Variants in NLGN1 observed in about 807,000 individuals in gnomAD.
NLGN1 encodes neuroligin 1.
Under a neutral mutation model 65.5 loss-of-function variants are expected in NLGN1, and 12 were observed. That is an observed-to-expected ratio of 0.18 (90% CI 0.12 to 0.30). The LOEUF is 0.30. Ranked by LOEUF, NLGN1 falls within the 10% of genes least tolerant of loss-of-function variation. NLGN1 has a pLI of 1.00. For synonymous variants in NLGN1, 350 were observed against 359.5 expected (o/e 0.97, Z 0.30); for missense variants, 750 against 1,007.1 (o/e 0.74, Z 3.46).
At chr3:173,508,321 G>C (rs950975661) in intron 2 of NLGN1, among the ~76,000 whole-genome samples, 3 of 152,120 alleles carry the variant, frequency 2.0e-5, no homozygotes, top group Non-Finnish European at 2.9e-5. Context: ...ATTAGGTTAT[G>C]ATGCATGTAA....
At chr3:174,053,494 C>T (rs1000282716) in intron 4 of NLGN1, among the ~76,000 whole-genome samples, 1 of 151,938 alleles carries the variant, frequency 6.6e-6, no homozygotes, top group Non-Finnish European at 1.5e-5. Flanking sequence ...TTTACCCAAG[C>T]TTCAGTTAGT....
intron 4 of NLGN1, among the ~76,000 whole-genome samples, chr3:174,141,555 C>T (rs1722276548): frequency 6.6e-6 from 1 of 152,144 alleles, no homozygotes; most frequent in Non-Finnish European, 1.5e-5. Flanking sequence ...GGAAAAGATC[C>T]ATATGTACCT....
chr3:174,115,974 T>A (rs909969196), intron 4 of NLGN1, among the ~76,000 whole-genome samples: 2 of 152,306 alleles, frequency 1.3e-5, no homozygotes, highest in African/African-American at 4.8e-5. Flanking sequence ...GTTCCCATAG[T>A]GAATTGTGCA....
intron 4 of NLGN1, among the ~76,000 whole-genome samples, chr3:173,933,111 A>T (rs73037267): frequency 5.9e-5 from 9 of 152,272 alleles, no homozygotes; most frequent in African/African-American, 2.2e-4. Flanking sequence ...GGCCTCAGTG[A>T]AGTGTGAAAA....
chr3:173,733,269 T>A (rs1773157431), intron 3 of NLGN1, among the ~76,000 whole-genome samples: 1 of 152,272 alleles, frequency 6.6e-6, no homozygotes, highest in Admixed American at 6.6e-5. Context: ...AGATATTTTT[T>A]TGAAAATCTT....
At chr3:173,916,605 C>T (rs6445127) in intron 4 of NLGN1, among the ~76,000 whole-genome samples, 53,581 of 151,944 alleles carry the variant, frequency 0.35, 10,489 homozygotes, top group African/African-American at 0.52. Context: ...AATGACTCTT[C>T]TAATGCTATT....
At chr3:173,777,754 G>T (rs1164530729) in intron 3 of NLGN1, among the ~76,000 whole-genome samples, 1 of 151,676 alleles carries the variant, frequency 6.6e-6, no homozygotes, top group East Asian at 1.9e-4. Context: ...TGTGAATAGT[G>T]CTAGAATAAA....
At chr3:174,266,382 A>T (rs1748248082) in intron 4 of NLGN1, among the ~76,000 whole-genome samples, 1 of 152,120 alleles carries the variant, frequency 6.6e-6, no homozygotes, top group African/African-American at 2.4e-5. Flanking sequence ...TGCAAAAGTC[A>T]TGATTTTGTT....
intron 4 of NLGN1, among the ~76,000 whole-genome samples, chr3:174,026,774 G>A (rs531234559): frequency 1.4e-4 from 21 of 152,260 alleles, no homozygotes; most frequent in Admixed American, 3.9e-4. Context: ...GGTCCAACAA[G>A]CAAACAAAAC....
chr3:173,984,216 CCA>C (rs1719404773), intron 4 of NLGN1, among the ~76,000 whole-genome samples: 1 of 152,166 alleles, frequency 6.6e-6, no homozygotes, highest in Non-Finnish European at 1.5e-5. Context: ...GGGATGGGGA[CCA>C]TAGCTTTGGC....
intron 4 of NLGN1, among the ~76,000 whole-genome samples, chr3:174,034,098 G>A (rs1016918615): frequency 6.6e-6 from 1 of 151,988 alleles, no homozygotes; most frequent in African/African-American, 2.4e-5. Flanking sequence ...GAGGAACAAG[G>A]ATAAGAATTA....
intron 4 of NLGN1, among the ~76,000 whole-genome samples, chr3:173,925,825 GCACC>G (rs1742900466): frequency 6.6e-6 from 1 of 151,956 alleles, no homozygotes; most frequent in Non-Finnish European, 1.5e-5. Flanking sequence ...TAATGAATCA[GCACC>G]CAGATTAAGA....
chr3:173,572,257 T>C (rs904071280), intron 2 of NLGN1, among the ~76,000 whole-genome samples: 3 of 152,200 alleles, frequency 2.0e-5, no homozygotes, highest in African/African-American at 4.8e-5. Flanking sequence ...GGACCAAATA[T>C]TGGTATTTTT....
intron 3 of NLGN1, among the ~76,000 whole-genome samples, chr3:173,734,851 T>C (rs928159956): frequency 1.3e-5 from 2 of 152,228 alleles, no homozygotes; most frequent in African/African-American, 4.8e-5. Context: ...TTCTGAACTC[T>C]GACTCAAAGT....
chr3:173,942,199 A>G (rs1746276424), intron 4 of NLGN1, among the ~76,000 whole-genome samples: 1 of 151,818 alleles, frequency 6.6e-6, no homozygotes, highest in African/African-American at 2.4e-5. Flanking sequence ...ACACATGTGC[A>G]TATATACATA....
Position 173,609,147 on chromosome 3 carries a change from C to T in NLGN1, c.493+4056C>T, listed in dbSNP as rs139642671. ...AAACAAAGGACCCAGAGAGGATTCACAAACACATTGTCTGGCTCATGGATT... is the reference window on the plus strand; with the variant it reads ...AAACAAAGGACCCAGAGAGGATTCATAAACACATTGTCTGGCTCATGGATT... On this transcript the variant is annotated intron_variant, in intron 3 of 6. Coordinates refer to ENST00000457714, the Ensembl canonical transcript of NLGN1. 1.9e-4 allele frequency among the ~76,000 whole-genome samples: 29 copies of T among 152,078 alleles called. No homozygotes were observed. The East Asian group carries it at 5.2e-3, about 27-fold the overall frequency.
intron 4 of NLGN1, among the ~76,000 whole-genome samples, chr3:173,882,825 G>A (rs1055948228): frequency 6.6e-6 from 1 of 152,156 alleles, no homozygotes; most frequent in Admixed American, 6.5e-5. Flanking sequence ...CAACTGGGCT[G>A]TTTAGTGCAA....
intron 3 of NLGN1, among the ~76,000 whole-genome samples, chr3:173,788,114 T>G (rs1190075535): frequency 2.7e-5 from 4 of 150,870 alleles, no homozygotes; most frequent in African/African-American, 7.3e-5. Flanking sequence ...TAATGAGTAT[T>G]ATTACAATGG....
chr3:173,889,282 G>A (rs1734903484), intron 4 of NLGN1, among the ~76,000 whole-genome samples: 1 of 152,104 alleles, frequency 6.6e-6, no homozygotes, highest in African/African-American at 2.4e-5. Context: ...TAGACAGTAT[G>A]ACAAGACGGT....
Sources: gnomAD v4.1 joint callset for allele counts (sites outside exome capture counted in the v4.1 genomes callset) on GRCh38, gnomAD v4.1.1 for gene constraint, MANE v1.5 for transcripts, NCBI Gene and HGNC (gene_info 2026-07-23, HGNC 2026-07-21) for gene names.